The following LRSAM1 variants were observed in gnomAD, a reference collection of about 807,000 sequenced individuals.
LRSAM1 encodes E3 ubiquitin-protein ligase LRSAM1.
A neutral mutation model predicts 118.1 loss-of-function variants in LRSAM1; 96 were observed. That is an observed-to-expected ratio of 0.81 (90% confidence interval 0.69 to 0.96). LRSAM1 has a LOEUF of 0.96. Among genes scored for constraint, LRSAM1 ranks in the 40% least tolerant of loss-of-function variants. The pLI, the probability that LRSAM1 is intolerant of heterozygous loss-of-function variation, is 0.00. For synonymous variants in LRSAM1, 322 were observed against 364.2 expected, an observed-to-expected ratio of 0.88 and a Z score of 1.32; for missense variants, 804 against 915.5, an observed-to-expected ratio of 0.88 and a Z score of 1.57.
intron 18 of LRSAM1, 45 bp downstream of exon 18, chr9:127,487,808 G>A (rs1397805324): frequency 1.9e-6 from 3 of 1,561,780 alleles, no homozygotes; most frequent in African/African-American, 2.7e-5. Context: ...CAGGAGGGAG[G>A]TTCAGGAGCC....
intron 11 of LRSAM1, among the ~76,000 whole-genome samples, chr9:127,476,723 G>A (rs1449396672): frequency 6.6e-6 from 1 of 152,070 alleles, no homozygotes; most frequent in African/African-American, 2.4e-5. Context: ...ACACTAGGCT[G>A]GAGTGCAGTG....
chr9:127,479,055 G>A, intron 12 of LRSAM1, 92 bp downstream of exon 12: 2 of 1,399,190 alleles, frequency 1.4e-6, no homozygotes, highest in South Asian at 2.3e-5. Flanking sequence ...CTTCTTCCCA[G>A]CTCAGAATTA....
Position 127,461,254 on chromosome 9 carries a change from A to C in LRSAM1, c.403A>C (p.Lys135Gln), listed in dbSNP as rs747301679. The part of the protein sequence containing the change: ...NLTQLQTLNV[K>Q]DNKLKELPDT... The stretch of plus-strand genomic sequence containing the variant: ...GACCCAGCTCCAGACTCTCAATGTT[A>C]AAGGTAGGGACCAAGAAGCCGTGTC... Residue 135 changes from lysine (K) to glutamine (Q), a missense_variant, in exon 8 of 26, where the codon AAA becomes CAA. By Grantham distance (53) the Lys-to-Gln change is moderately conservative (BLOSUM62 1). Transcript: ENST00000300417. 5.0e-6 allele frequency: 8 copies of C among 1,610,598 alleles called. No individual in the cohort carries two copies. The South Asian group carries it at 7.7e-5, about 15-fold the overall frequency.
In LRSAM1 at chr9:127,467,820, C is replaced by T. The variant is rs1486934570; in HGVS notation, c.609C>T (p.Phe203=). The T allele has an allele frequency of 6.3e-7, 1 of 1,598,876 alleles. No homozygotes were observed. The highest frequency in any genetic ancestry group is 1.3e-5 in the African/African-American group (1 of 74,878). ...CGAGTAAILQ[F]LCKESGLEYY... ...CCGGCACTGCGGCCATCTTGCAGTT[C>T]CTCTGCAAAGGTAAAGCCAGGCCGC... Residue 203 remains phenylalanine, a synonymous_variant, in exon 10 of 26, where the codon TTC becomes TTT. Coordinates refer to ENST00000300417, the MANE Select transcript of LRSAM1 (RefSeq NM_001005373.4).
intron 23 of LRSAM1, 77 bp from the exon 24 acceptor site, chr9:127,497,176 G>GGCCTGT: frequency 6.9e-7 from 1 of 1,459,266 alleles, no homozygotes; most frequent in Non-Finnish European, 9.6e-7. Flanking sequence ...TGTGAGCCTG[G>GGCCTGT]GCCTGTGCCA....
chr9:127,499,194 G>T (rs1231423885), intron 24 of LRSAM1, among the ~76,000 whole-genome samples: 4 of 152,054 alleles, frequency 2.6e-5, no homozygotes, highest in Non-Finnish European at 5.9e-5. Context: ...GCGACATAGG[G>T]AGACCCCTTC....
chr9:127,479,792 C>T lies in LRSAM1; in HGVS notation c.904-47C>T, dbSNP rs781650130. On this transcript the variant is annotated intron_variant, in intron 13 of 25. Coordinates refer to ENST00000300417, the MANE Select transcript of LRSAM1 (RefSeq NM_001005373.4). ...TAACCCCAGTCAGTACCCCTCACGG[C>T]GTCTGAGGGGGTCCCAGGGGCTCAG... is the stretch of plus-strand genomic sequence containing the variant. 17 of 1,599,774 alleles carry T rather than the reference C, an allele frequency of 1.1e-5. No individual in the cohort carries two copies. The East Asian group carries it at 1.3e-4, about 13-fold the overall frequency.
Position 127,454,570 on chromosome 9 carries a change from C to T in LRSAM1, c.43C>T (p.Arg15Trp), listed in dbSNP as rs781265596. 1.1e-5 allele frequency: 18 copies of T among 1,613,984 alleles called. No individual in the cohort carries two copies. In the Admixed American group the frequency reaches 1.7e-4, roughly 15 times the overall value. The change falls in exon 3 of 26, where the codon CGG becomes TGG. Residue 15 changes from arginine (R) to tryptophan (W), a missense_variant. Arg to Trp is a moderately radical substitution (Grantham distance 101, BLOSUM62 -3). Coordinates refer to ENST00000300417, the MANE Select transcript of LRSAM1 (RefSeq NM_001005373.4). ...FRKRKPSEEA[R>W]KRLEYQMCLA... ...GAAGCGGAAACCCAGTGAGGAGGCT[C>T]GGAAACGCCTGGAGTACCAGATGTG...
At chr9:127,481,442 G>A (rs1480169791) in intron 15 of LRSAM1, among the ~76,000 whole-genome samples, 3 of 151,876 alleles carry the variant, frequency 2.0e-5, no homozygotes, top group South Asian at 2.1e-4. Flanking sequence ...TAGAGACGGG[G>A]TTTCACCGTG....
intron 18 of LRSAM1, among the ~76,000 whole-genome samples, chr9:127,488,599 C>CTT (rs111724344): frequency 1.4e-5 from 2 of 143,566 alleles, no homozygotes; most frequent in African/African-American, 2.6e-5. Context: ...CTTTTCTTTT[C>CTT]TTTTTTTTTT....
intron 10 of LRSAM1, among the ~76,000 whole-genome samples, chr9:127,471,472 TAAAAAAAAAA>T (rs71380064): frequency 4.4e-5 from 3 of 68,032 alleles, no homozygotes; most frequent in African/African-American, 1.2e-4. Context: ...CCTTATGTTA[TAAAAAAAAAA>T]AAAAAAAAAA....
intron 7 of LRSAM1, 45 bp downstream of exon 7, chr9:127,459,116 G>A: frequency 6.3e-7 from 1 of 1,575,134 alleles, no homozygotes; most frequent in South Asian, 1.1e-5. Flanking sequence ...GCCTTAGTGA[G>A]ACCAGGCAGT....
chr9:127,494,733 C>T (rs1348236489), intron 21 of LRSAM1, among the ~76,000 whole-genome samples: 1 of 152,090 alleles, frequency 6.6e-6, no homozygotes, highest in Non-Finnish European at 1.5e-5. Flanking sequence ...CACTTGAGGT[C>T]AGGAGTTTGA....
chr9:127,462,451 G>T, intron 9 of LRSAM1, 78 bp downstream of exon 9: 2 of 1,607,368 alleles, frequency 1.2e-6, no homozygotes, highest in African/African-American at 1.3e-5. Context: ...CTGAGTGCTT[G>T]CTCTGATCTC....
At chr9:127,468,753 A>T (rs1835050117) in intron 10 of LRSAM1, among the ~76,000 whole-genome samples, 1 of 142,304 alleles carries the variant, frequency 7.0e-6, no homozygotes, top group South Asian at 2.3e-4. Flanking sequence ...AGGCAGGAGG[A>T]TCTCGAGCCC....
intron 7 of LRSAM1, among the ~76,000 whole-genome samples, chr9:127,460,555 G>C (rs1834697003): frequency 1.3e-5 from 2 of 152,196 alleles, no homozygotes; most frequent in Admixed American, 6.5e-5. Flanking sequence ...CTTCCCTGAT[G>C]GTGGGGCAGT....
At position 127,465,760 on chromosome 9, in the gene LRSAM1, G is replaced by C. The variant is rs1186782237; in HGVS notation, c.529-1980G>C. Among the ~76,000 whole-genome samples the C allele has an allele frequency of 6.6e-6, 1 of 152,196 alleles. No individual in the cohort carries two copies. The highest frequency in any genetic ancestry group is 1.9e-4 in the East Asian group (1 of 5,192). On this transcript the variant is annotated intron_variant, in intron 9 of 25. Coordinates refer to ENST00000300417, the MANE Select transcript of LRSAM1 (RefSeq NM_001005373.4). This position sits in a 1 kb window ranked among gnomAD's most constrained non-coding sequence, Gnocchi z 4.1. ...TTTTCCAGGACTCCCCTGATACCCA[G>C]GCATAGAGGATATCAGTGCCTGCCA...
chr9:127,496,071 A>T lies in LRSAM1; in HGVS notation c.1806A>T (p.Gln602His), dbSNP rs1462342285. 3.7e-6 allele frequency: 6 copies of T among 1,611,276 alleles called. No individual in the cohort carries two copies. Among genetic ancestry groups the T allele is most frequent in the Non-Finnish European group, 5.1e-6 (6 of 1,180,002 alleles). The part of the protein sequence containing the change: ...HHRLSLDLLS[Q>H]MSPGDLAKVG... Reference sequence around the variant, plus strand: ...GCCTCTCACTGGACCTGCTGAGCCAAATGAGCCCAGGGGACCTGGCCAAGG... The same window carrying T: ...GCCTCTCACTGGACCTGCTGAGCCATATGAGCCCAGGGGACCTGGCCAAGG... The change falls in exon 23 of 26, where the codon CAA (glutamine) becomes CAT (histidine). Residue 602 changes from glutamine to histidine, a missense_variant. By Grantham distance (24) the Gln-to-His change is conservative (BLOSUM62 0). Coordinates refer to ENST00000300417, the MANE Select transcript of LRSAM1 (RefSeq NM_001005373.4).
At chr9:127,489,859 T>A (rs569253017) in intron 19 of LRSAM1, among the ~76,000 whole-genome samples, 65 of 152,298 alleles carry the variant, frequency 4.3e-4, no homozygotes, top group African/African-American at 1.5e-3. Flanking sequence ...ACTTCCCCAC[T>A]GGGAAAAGCA....
Sources: gnomAD v4.1 joint callset for allele counts (sites outside exome capture counted in the v4.1 genomes callset) on GRCh38, gnomAD v4.1.1 for gene constraint, Gnocchi (gnomAD v3.1) non-coding constraint, MANE v1.5 for transcripts, NCBI Gene and HGNC (gene_info 2026-07-23, HGNC 2026-07-21) for gene names.